The following GLIS3 variants were observed in gnomAD, a reference collection of about 807,000 sequenced individuals.
GLIS3 encodes the protein GLIS family zinc finger 3, also known as zinc finger protein GLIS3.
A neutral mutation model predicts 78.6 loss-of-function variants in GLIS3; 53 were observed. The ratio of observed to expected loss-of-function variants is 0.67; its 90% CI spans 0.54 to 0.85. The LOEUF (loss-of-function observed/expected upper bound fraction) is 0.85. Among genes scored for constraint, GLIS3 ranks in the 40% least tolerant of loss-of-function variants. The probability of loss-of-function intolerance (pLI) is 0.00; values close to 1 mark genes in which losing one functional copy is unlikely to be tolerated. For synonymous variants in GLIS3, 684 were observed against 509.9 expected (o/e 1.34, Z -4.60); for missense variants, 1,703 against 1,231.1 (o/e 1.38, Z -5.74).
chr9:4,069,341 G>C (rs76617093), intron 4 of GLIS3, among the ~76,000 whole-genome samples: 4,378 of 152,244 alleles, frequency 0.029, 207 homozygotes, highest in African/African-American at 0.099. Flanking sequence ...TATTGGATCG[G>C]CTTCTCAGCC....
intron 4 of GLIS3, among the ~76,000 whole-genome samples, chr9:4,091,095 CT>C (rs1245218050): frequency 3.3e-5 from 5 of 152,132 alleles, no homozygotes; most frequent in Non-Finnish European, 7.3e-5. Flanking sequence ...TGGCTCATGC[CT>C]GTAATCCCAA....
At chr9:3,939,883 T>A (rs937536089) in intron 4 of GLIS3, among the ~76,000 whole-genome samples, 1 of 152,188 alleles carries the variant, frequency 6.6e-6, no homozygotes, top group African/African-American at 2.4e-5. Context: ...AATCAGGCAC[T>A]AAAGGATTGA....
chr9:3,941,513 G>A (rs1485984070), intron 4 of GLIS3, among the ~76,000 whole-genome samples: 1 of 152,100 alleles, frequency 6.6e-6, no homozygotes, highest in Non-Finnish European at 1.5e-5. Context: ...TCTGAAACAG[G>A]TGTGCCCACA....
At chr9:4,158,065 G>T (rs1247192823) in intron 2 of GLIS3, among the ~76,000 whole-genome samples, 1 of 152,104 alleles carries the variant, frequency 6.6e-6, no homozygotes, top group African/African-American at 2.4e-5. Context: ...ATTTTATTCT[G>T]TAGTTTAACA....
chr9:4,042,058 G>A (rs1243542179), intron 4 of GLIS3, among the ~76,000 whole-genome samples: 1 of 152,116 alleles, frequency 6.6e-6, no homozygotes, highest in Non-Finnish European at 1.5e-5. Flanking sequence ...CAAGCTACAG[G>A]CCTCATCTAC....
intron 8 of GLIS3, among the ~76,000 whole-genome samples, chr9:3,858,233 G>A (rs1045307204): frequency 1.2e-4 from 19 of 152,182 alleles, no homozygotes; most frequent in African/African-American, 2.4e-4. Flanking sequence ...TTTCTGTTGA[G>A]GACTGATGGG....
At chr9:4,449,625 G>C in the GLIS3 span, among the ~76,000 whole-genome samples, 1 of 152,182 alleles carries the variant, frequency 6.6e-6, no homozygotes, top group African/African-American at 2.4e-5. Context: ...GCTTCCAGAG[G>C]AAGGATCAGG....
chr9:4,025,189 T>A (rs1160616985), intron 4 of GLIS3, among the ~76,000 whole-genome samples: 2 of 151,714 alleles, frequency 1.3e-5, no homozygotes, highest in Non-Finnish European at 2.9e-5. Flanking sequence ...GAGGCAGACG[T>A]TGCAGTGAGC....
At chr9:3,912,167 C>T (rs781601058) in intron 6 of GLIS3, among the ~76,000 whole-genome samples, 3 of 152,166 alleles carry the variant, frequency 2.0e-5, no homozygotes, top group Non-Finnish European at 2.9e-5. Flanking sequence ...GACCTAAGGA[C>T]AATGGCTCTT....
the GLIS3 span, among the ~76,000 whole-genome samples, chr9:4,410,550 T>A: frequency 6.6e-6 from 1 of 152,252 alleles, no homozygotes; most frequent in Non-Finnish European, 1.5e-5. Context: ...ACTGAATTTA[T>A]TAAAAACTGA....
At chr9:4,001,970 C>T (rs1396100938) in intron 4 of GLIS3, among the ~76,000 whole-genome samples, 1 of 152,188 alleles carries the variant, frequency 6.6e-6, no homozygotes, top group Non-Finnish European at 1.5e-5. Context: ...ACAGTGGCCC[C>T]TCTAATAACG....
chr9:3,903,234 T>C (rs1011360960), intron 6 of GLIS3, among the ~76,000 whole-genome samples: 1 of 152,218 alleles, frequency 6.6e-6, no homozygotes, highest in South Asian at 2.1e-4. Flanking sequence ...CTCATAATAA[T>C]ACATGGTTAA....
At chr9:4,312,564 A>G (rs1543639) in intron 2 of GLIS3, among the ~76,000 whole-genome samples, 114,100 of 152,244 alleles carry the variant, frequency 0.75, 43,186 homozygotes, top group African/African-American at 0.85. Flanking sequence ...TATGTACAGT[A>G]TAGTTATACA....
At chr9:4,188,240 A>C (rs1171432623) in intron 2 of GLIS3, among the ~76,000 whole-genome samples, 1 of 151,618 alleles carries the variant, frequency 6.6e-6, no homozygotes, top group African/African-American at 2.4e-5. Context: ...CCTTTTCTGC[A>C]TCTATTGAGA....
intron 2 of GLIS3, among the ~76,000 whole-genome samples, chr9:4,140,176 T>C (rs570628231): frequency 6.6e-6 from 1 of 152,170 alleles, no homozygotes; most frequent in East Asian, 1.9e-4. Flanking sequence ...ATACAAAAAT[T>C]AGCCAGGCAT....
At chr9:4,088,524 C>A (rs1483846449) in intron 4 of GLIS3, among the ~76,000 whole-genome samples, 2 of 152,148 alleles carry the variant, frequency 1.3e-5, no homozygotes, top group East Asian at 1.9e-4. Flanking sequence ...GTCCTTAAAC[C>A]AACTTTGAAA....
intron 9 of GLIS3, among the ~76,000 whole-genome samples, chr9:3,851,363 G>A (rs1410599985): frequency 1.3e-5 from 2 of 152,148 alleles, no homozygotes; most frequent in South Asian, 4.1e-4. Flanking sequence ...GGACTAAAGT[G>A]CACTAAGAAG....
chr9:4,413,593 G>A, the GLIS3 span, among the ~76,000 whole-genome samples: 4 of 152,076 alleles, frequency 2.6e-5, no homozygotes, highest in South Asian at 8.3e-4. Context: ...AAACTCTTCA[G>A]TGCTCTGACA....
the GLIS3 span, among the ~76,000 whole-genome samples, chr9:4,467,185 T>C: frequency 6.6e-6 from 1 of 152,222 alleles, no homozygotes; most frequent in African/African-American, 2.4e-5. Context: ...TGCCTGCCTC[T>C]GTAGACTCCA....
Sources: gnomAD v4.1 joint callset for allele counts (sites outside exome capture counted in the v4.1 genomes callset) on GRCh38, gnomAD v4.1.1 for gene constraint, MANE v1.5 for transcripts, NCBI Gene and HGNC (gene_info 2026-07-23, HGNC 2026-07-21) for gene names.